ZYG11B: variants seen among roughly 807,000 people sequenced by gnomAD.
ZYG11B encodes the protein zyg-11 family member B, cell cycle regulator.
Under a neutral mutation model 82.4 loss-of-function variants are expected in ZYG11B, and 36 were observed. That is an observed-to-expected ratio of 0.44 (90% CI 0.33 to 0.58). The LOEUF (loss-of-function observed/expected upper bound fraction) is 0.58, where lower values mean the gene tolerates loss of function less well. Ranked by LOEUF, ZYG11B falls within the 20% of genes least tolerant of loss-of-function variation. ZYG11B has a pLI of 0.02. For synonymous variants in ZYG11B, 303 were observed against 312.8 expected (o/e 0.97, Z 0.33); for missense variants, 552 against 895.6 (o/e 0.62, Z 4.90).
chr1:52,816,803 T>G (rs1162524034), intron 13 of ZYG11B, among the ~76,000 whole-genome samples, 174 bp downstream of exon 13: 1 of 146,594 alleles, frequency 6.8e-6, no homozygotes, highest in East Asian at 2.0e-4. Context: ...TTTTTTTTTT[T>G]TTGAGACGAA....
At chr1:52,747,337 A>ACT (rs1644485789) in intron 1 of ZYG11B, among the ~76,000 whole-genome samples, 1 of 149,250 alleles carries the variant, frequency 6.7e-6, no homozygotes, top group Non-Finnish European at 1.5e-5. Flanking sequence ...CATTGCCTGT[A>ACT]CTCTAATCCA....
In ZYG11B at chr1:52,780,121, G is replaced by A. The variant is rs111776373; in HGVS notation, c.1092+128G>A. On this transcript the variant is annotated intron_variant, in intron 4 of 13. Coordinates refer to ENST00000294353, the MANE Select transcript of ZYG11B (RefSeq NM_024646.3). ...ATTTATAATGTGATTGATGACGTGT[G>A]ATTTCAATCATTAGCTATAAACGAG... The A allele has an allele frequency of 1.4e-3, 1,227 of 865,832 alleles. 5 individuals carry two copies. In the African/African-American group the frequency reaches 0.018, roughly 13 times the overall value. The allele number at this position is 865,832 out of a possible 1,614,324, so 53.6% of individuals were successfully genotyped here.
intron 2 of ZYG11B, among the ~76,000 whole-genome samples, chr1:52,762,922 C>CT (rs1644644947): frequency 7.2e-6 from 1 of 139,072 alleles, no homozygotes; most frequent in African/African-American, 2.8e-5. Flanking sequence ...AGTTTTGGGT[C>CT]TTACATTTAG....
At chr1:52,807,357 A>C (rs1645149566) in intron 10 of ZYG11B, among the ~76,000 whole-genome samples, 1 of 152,092 alleles carries the variant, frequency 6.6e-6, no homozygotes, top group Non-Finnish European at 1.5e-5. Flanking sequence ...AAGCTAATTA[A>C]CATATCCATG....
At chr1:52,789,630 C>A (rs139047944) in intron 5 of ZYG11B, among the ~76,000 whole-genome samples, 1 of 152,202 alleles carries the variant, frequency 6.6e-6, no homozygotes, top group African/African-American at 2.4e-5. Flanking sequence ...TTAGAGTCTT[C>A]CAAGCAGGCT....
chr1:52,752,996 C>T (rs1644539152), intron 1 of ZYG11B, among the ~76,000 whole-genome samples: 1 of 152,052 alleles, frequency 6.6e-6, no homozygotes, highest in Admixed American at 6.6e-5. Flanking sequence ...TACAGAAGTG[C>T]ACCACCACAC....
chr1:52,783,709 C>T (rs1644876884), intron 4 of ZYG11B, among the ~76,000 whole-genome samples: 1 of 149,428 alleles, frequency 6.7e-6, no homozygotes, highest in Admixed American at 6.7e-5. Context: ...ACAGGCTCTG[C>T]CTCCCAGGGC....
At chr1:52,818,348 C>G (rs1417635889) in intron 13 of ZYG11B, among the ~76,000 whole-genome samples, 1 of 151,862 alleles carries the variant, frequency 6.6e-6, no homozygotes, top group Non-Finnish European at 1.5e-5. Flanking sequence ...TTGTGGTGTG[C>G]TCCTGTAGTC....
At chr1:52,765,089 G>T (rs1644670651) in intron 2 of ZYG11B, among the ~76,000 whole-genome samples, 2 of 150,176 alleles carry the variant, frequency 1.3e-5, no homozygotes, top group African/African-American at 4.9e-5. Context: ...GTCGCACTAT[G>T]TTGGCCAGGT....
At chr1:52,802,004 A>T (rs780526396) in intron 9 of ZYG11B, 24 bp downstream of exon 9, 137 of 1,589,462 alleles carry the variant, frequency 8.6e-5, no homozygotes, top group Non-Finnish European at 1.2e-4. Flanking sequence ...TTTAGCTTAC[A>T]GTTTTGATAT....
At chr1:52,759,544 G>A (rs2149931677) in intron 2 of ZYG11B, among the ~76,000 whole-genome samples, 1 of 152,270 alleles carries the variant, frequency 6.6e-6, no homozygotes, top group South Asian at 2.1e-4. Flanking sequence ...CTTCAGATGA[G>A]GAAACTGAGG....
At chr1:52,816,780 C>CTTTTTTTTTTTTTTTTTTTTTTTTTT in intron 13 of ZYG11B, 151 bp downstream of exon 13, 1 of 229,282 alleles carries the variant, frequency 4.4e-6, no homozygotes, top group Non-Finnish European at 7.4e-6. Flanking sequence ...TTAAGGTATT[C>CTTTTTTTTTTTTTTTTTTTTTTTTTT]TTTTTTTTTT....
intron 10 of ZYG11B, among the ~76,000 whole-genome samples, chr1:52,803,153 T>TATATATATATACAC (rs1553262817): frequency 2.6e-5 from 1 of 38,224 alleles, no homozygotes; most frequent in Non-Finnish European, 4.0e-5. Flanking sequence ...TATATATATA[T>TATATATATATACAC]ACACATATAT....
chr1:52,785,080 A>G, intron 5 of ZYG11B, 27 bp downstream of exon 5: 1 of 1,607,916 alleles, frequency 6.2e-7, no homozygotes, highest in Non-Finnish European at 8.5e-7. Flanking sequence ...TCCTTTTCAA[A>G]TAGTCCTTGT....
chr1:52,817,941 G>A (rs1347100475), intron 13 of ZYG11B, among the ~76,000 whole-genome samples: 1 of 141,882 alleles, frequency 7.0e-6, no homozygotes, highest in Non-Finnish European at 1.5e-5. Context: ...AGGTTCAAGC[G>A]ATTCTCTTGC....
At chr1:52,817,309 T>C (rs557059041) in intron 13 of ZYG11B, among the ~76,000 whole-genome samples, 63 of 152,328 alleles carry the variant, frequency 4.1e-4, no homozygotes, top group African/African-American at 1.3e-3. Context: ...TTGTTCAAGA[T>C]GTCGCTGCCA....
rs1001870050 is a variant in ZYG11B, at chr1:52,754,921, G to A, written c.31-1537G>A. On this transcript the variant is annotated intron_variant, in intron 1 of 13. Transcript: ENST00000294353. ...TGTCTTTATTCTTTTGTATGTTGAT[G>A]TCCAGTGGTCCCAGCATCATTTGTT... Among the ~76,000 whole-genome samples the A allele has an allele frequency of 2.0e-5, 3 of 148,646 alleles. No homozygotes were observed. The South Asian group carries it at 6.4e-4, about 32-fold the overall frequency.
At chr1:52,760,354 A>G (rs1240295336) in intron 2 of ZYG11B, among the ~76,000 whole-genome samples, 1 of 152,034 alleles carries the variant, frequency 6.6e-6, no homozygotes, top group Non-Finnish European at 1.5e-5. Flanking sequence ...TGAGGCAGAG[A>G]GAATTGCTTG....
intron 10 of ZYG11B, among the ~76,000 whole-genome samples, chr1:52,806,885 T>A (rs943597937): frequency 8.6e-5 from 13 of 152,000 alleles, no homozygotes; most frequent in African/African-American, 3.1e-4. Flanking sequence ...TTTTTTTTTT[T>A]TGAGACGGAG....
Sources: allele counts gnomAD v4.1 joint callset (sites outside exome capture counted in the v4.1 genomes callset), GRCh38; gene constraint gnomAD v4.1.1; transcripts MANE v1.5; gene names NCBI Gene and HGNC (gene_info 2026-07-23, HGNC 2026-07-21).